Variants in TNC observed in about 807,000 individuals in gnomAD.
The protein encoded by TNC is tenascin C.
TNC carries 109 observed loss-of-function variants against 202.4 expected under a neutral mutation model. The ratio of observed to expected loss-of-function variants is 0.54; its 90% CI spans 0.46 to 0.63. TNC has a LOEUF of 0.63. TNC is among the 30% of genes least tolerant of loss of function. The pLI is 0.00. For synonymous variants in TNC, 1,007 were observed against 1,089.7 expected (o/e 0.92, Z 1.50); for missense variants, 2,756 against 2,833.3 (o/e 0.97, Z 0.62).
At chr9:115,064,478 T>TAA (rs1564459506) in intron 11 of TNC, among the ~76,000 whole-genome samples, 169 bp downstream of exon 11, 1 of 152,124 alleles carries the variant, frequency 6.6e-6, no homozygotes, top group Non-Finnish European at 1.5e-5. Context: ...AGTGAAGTAT[T>TAA]AAAAGTTGCC....
Position 115,090,598 on chromosome 9 carries a change from T to C in TNC, c.421A>G (p.Thr141Ala), listed in dbSNP as rs762858023. ...NLVSSLREQC[T>A]AGAGCCLQPA... The stretch of plus-strand genomic sequence containing the variant: ...TGGAGACAGCAGCCTGCTCCTGCAG[T>C]ACATTGCTCCCTCAGGGAAGACACC... Residue 141 changes from threonine (T) to alanine (A), a missense_variant, in exon 2 of 28, where the codon ACT becomes GCT. Physicochemically the swap from Thr to Ala is moderately conservative, Grantham distance 58 (BLOSUM62 0). Around this residue, in one of 2 missense-constraint regions of TNC, gnomAD observed 2,559 missense variants for 2,546.0 expected, o/e 1.01. Coordinates refer to ENST00000350763, the MANE Select transcript of TNC (RefSeq NM_002160.4). The C allele has an allele frequency of 1.6e-5, 26 of 1,594,902 alleles. No homozygotes were observed. The highest frequency in any genetic ancestry group is 3.4e-5 in the Admixed American group (2 of 58,784).
intron 1 of TNC, among the ~76,000 whole-genome samples, chr9:115,095,556 G>A (rs374125995): frequency 3.8e-3 from 8 of 2,116 alleles, no homozygotes; most frequent in African/African-American, 0.012. Flanking sequence ...GTATATATAT[G>A]TATATATATG....
chr9:115,064,502 G>T, intron 11 of TNC, 145 bp downstream of exon 11: 1 of 1,079,522 alleles, frequency 9.3e-7, no homozygotes, highest in Non-Finnish European at 1.3e-6. Flanking sequence ...GGGTTCTGTA[G>T]CGTGATGGCC....
rs1211891218 is a variant in TNC at position 115,048,111 on chromosome 9, G to T, written c.4852+149C>A. On this transcript the variant is annotated intron_variant, in intron 16 of 27. Coordinates refer to ENST00000350763, the MANE Select transcript of TNC (RefSeq NM_002160.4). ...TTCATTAAGTACATATGACAAGAGG[G>T]AGTGTGGGGAGAAGGTGAAACAGTA... The T allele has an allele frequency of 1.4e-5, 13 of 949,932 alleles. No individual in the cohort carries two copies. In the Admixed American group the frequency reaches 3.0e-4, roughly 22 times the overall value. 58.8% of individuals were successfully genotyped at this position (949,932 alleles called of 1,614,324 possible).
chr9:115,035,126 T>A, intron 22 of TNC, 78 bp downstream of exon 22: 1 of 1,463,532 alleles, frequency 6.8e-7, no homozygotes, highest in Admixed American at 2.4e-5. Context: ...AAAAACAGCA[T>A]CAGGTAATTC....
rs930037181 is a variant in TNC, at chr9:115,030,346, T to A, written c.5980A>T (p.Thr1994Ser). Residue 1994 changes from threonine (T) to serine (S), a missense_variant, in exon 24 of 28, where the codon ACC becomes TCC. Transcript: ENST00000350763. ...CSQAMLNGDTTSGLYTIYLNG... is the reference protein window; with the variant it reads ...CSQAMLNGDTSSGLYTIYLNG... Reference sequence around the variant, plus strand: ...AGATAAATGGTGTAGAGGCCAGAGGTCGTGTCTCCATTCAGCATTGCTTGG... The same window carrying A: ...AGATAAATGGTGTAGAGGCCAGAGGACGTGTCTCCATTCAGCATTGCTTGG... 5.0e-6 allele frequency: 8 copies of A among 1,614,010 alleles called. No homozygotes were observed. Among genetic ancestry groups the A allele is most frequent in the Non-Finnish European group, 6.8e-6 (8 of 1,179,952 alleles).
At chr9:115,063,655 T>G in intron 12 of TNC, 141 bp downstream of exon 12, 2 of 959,566 alleles carry the variant, frequency 2.1e-6, no homozygotes, top group Non-Finnish European at 1.5e-6. Context: ...GGATGTGACA[T>G]TTAGGAAGAA....
intron 10 of TNC, among the ~76,000 whole-genome samples, chr9:115,066,731 AAAG>A (rs1397731825): frequency 6.6e-6 from 1 of 152,226 alleles, no homozygotes; most frequent in South Asian, 2.1e-4. Context: ...AAATAAATCC[AAAG>A]AAGAATATTA....
chr9:115,085,720 G>A (rs1834659279), intron 3 of TNC, 144 bp downstream of exon 3: 2 of 864,858 alleles, frequency 2.3e-6, no homozygotes, highest in South Asian at 3.7e-5. Flanking sequence ...AAGTCATTAT[G>A]GGTGTGTGTT....
chr9:115,080,567 A>G (rs1451487620), intron 6 of TNC, among the ~76,000 whole-genome samples: 1 of 152,210 alleles, frequency 6.6e-6, no homozygotes, highest in Non-Finnish European at 1.5e-5. Context: ...CTTGAAGAAA[A>G]TAAAGAGGTT....
rs182229463 is a variant in TNC at position 115,076,777 on chromosome 9, T to C, written c.2675-202A>G. 1.3e-3 allele frequency among the ~76,000 whole-genome samples: 195 copies of C among 152,348 alleles called. 1 individual carries two copies. The highest frequency in any genetic ancestry group is 4.4e-3 in the African/African-American group (185 of 41,584). ...GGCACCTTTCCCTATTATGGATGAG[T>C]GCGACACTTTAGTCATTTGTGTTTT... On this transcript the variant is annotated intron_variant, in intron 7 of 27. Transcript: ENST00000350763.
chr9:115,051,096 T>C (rs1831612339), intron 15 of TNC, among the ~76,000 whole-genome samples: 1 of 152,222 alleles, frequency 6.6e-6, no homozygotes, highest in Non-Finnish European at 1.5e-5. Context: ...AAGAGACTTC[T>C]AAATATTTTC....
At chr9:115,080,885 C>T (rs1316061127) in intron 6 of TNC, among the ~76,000 whole-genome samples, 2 of 143,696 alleles carry the variant, frequency 1.4e-5, no homozygotes, top group Non-Finnish European at 3.0e-5. Context: ...GCACTCCAGC[C>T]TGGGTGACAG....
intron 2 of TNC, 85 bp from the exon 3 acceptor site, chr9:115,087,358 C>T: frequency 2.1e-6 from 3 of 1,423,820 alleles, no homozygotes; most frequent in Non-Finnish European, 2.9e-6. Flanking sequence ...GATTCAAATT[C>T]AGCTGAAGGA....
At chr9:115,085,602 C>G (rs1244060541) in intron 3 of TNC, among the ~76,000 whole-genome samples, 1 of 152,160 alleles carries the variant, frequency 6.6e-6, no homozygotes, top group Non-Finnish European at 1.5e-5. Context: ...AATACCAGCT[C>G]TGTGATGTGT....
intron 26 of TNC, among the ~76,000 whole-genome samples, chr9:115,025,346 C>T (rs1289631994): frequency 6.6e-6 from 1 of 152,134 alleles, no homozygotes; most frequent in Non-Finnish European, 1.5e-5. Flanking sequence ...CACTAAACTG[C>T]CATCTCAAAA....
At chr9:115,117,839 T>C (rs1439506582) in intron 1 of TNC, 143 bp downstream of exon 1, 2 of 147,794 alleles carry the variant, frequency 1.4e-5, no homozygotes, top group Non-Finnish European at 3.0e-5. Context: ...ATATAACCAA[T>C]ACACACTCCT....
chr9:115,033,145 G>T (rs932166711), intron 22 of TNC, among the ~76,000 whole-genome samples: 2 of 152,190 alleles, frequency 1.3e-5, no homozygotes, highest in Non-Finnish European at 2.9e-5. Context: ...TCCATAAATT[G>T]TTGGAGGCAG....
intron 10 of TNC, among the ~76,000 whole-genome samples, chr9:115,069,531 C>T (rs1662052564): frequency 6.6e-6 from 1 of 151,186 alleles, no homozygotes; most frequent in Admixed American, 6.6e-5. Context: ...CTGGTACACA[C>T]TAATTTTTTT....
Sources: gnomAD v4.1 joint callset for allele counts (sites outside exome capture counted in the v4.1 genomes callset) on GRCh38, gnomAD v4.1.1 for gene constraint, gnomAD v4.1.1 regional missense constraint, MANE v1.5 for transcripts, NCBI Gene and HGNC (gene_info 2026-07-23, HGNC 2026-07-21) for gene names.